The following KPNA7 variants were observed in gnomAD, a reference collection of about 807,000 sequenced individuals.
KPNA7 encodes the protein karyopherin subunit alpha 7, also known as importin subunit alpha-8.
In KPNA7, 54 loss-of-function variants were observed where a neutral mutation model predicts 53.7. The observed-to-expected ratio is 1.01, with a 90% CI of 0.81 to 1.26. The LOEUF is 1.26. Among genes scored for constraint, KPNA7 ranks in the 50% most tolerant of loss-of-function variants. The pLI is 0.00. For synonymous variants in KPNA7, 276 were observed against 259.3 expected, an observed-to-expected ratio of 1.06 and a Z score of -0.62; for missense variants, 640 against 644.5, an observed-to-expected ratio of 0.99 and a Z score of 0.07.
intron 3 of KPNA7, among the ~76,000 whole-genome samples, chr7:99,201,249 G>A (rs1382647903): frequency 6.6e-6 from 1 of 152,140 alleles, no homozygotes; most frequent in Non-Finnish European, 1.5e-5. Context: ...TTGAGGTGAT[G>A]AATAGGTTCT....
chr7:99,211,820 A>T (rs1791078755), upstream of KPNA7, among the ~76,000 whole-genome samples: 1 of 152,124 alleles, frequency 6.6e-6, no homozygotes. Flanking sequence ...TAGCCTATAT[A>T]CCTTGTCTGC....
downstream of KPNA7, among the ~76,000 whole-genome samples, chr7:99,172,367 A>G (rs1274132480): frequency 6.6e-6 from 1 of 152,182 alleles, no homozygotes; most frequent in African/African-American, 2.4e-5. Flanking sequence ...TGTACATTGT[A>G]TCAAAGTTCA....
Position 99,204,534 on chromosome 7 carries a change from C to T in KPNA7, c.67-1294G>A, listed in dbSNP as rs183726370. On this transcript the variant is annotated intron_variant, in intron 2 of 10. Transcript: ENST00000327442. ...TCAGGAACAATTATAAAGAAGTCAC[C>T]ATGTATTAGATACTTTTGGTTCTTT... Among the ~76,000 whole-genome samples the T allele has an allele frequency of 2.9e-3, 434 of 152,180 alleles. 1 individual carries two copies. The highest frequency in any genetic ancestry group is 9.6e-3 in the African/African-American group (397 of 41,518).
In KPNA7 at chr7:99,195,181, G is replaced by A. The variant is rs1790161740; in HGVS notation, c.442C>T (p.Gln148Ter). 3 of 1,551,638 alleles carry A rather than the reference G, an allele frequency of 1.9e-6. No individual in the cohort carries two copies. The highest frequency in any genetic ancestry group is 2.6e-6 in the Non-Finnish European group (3 of 1,147,000). Residue 148 changes from glutamine (Q) to a stop codon, truncating the protein, a stop_gained, in exon 5 of 11, where the codon CAG (glutamine) becomes TAG (stop). Coordinates refer to ENST00000327442, the MANE Select transcript of KPNA7 (RefSeq NM_001145715.3). LOFTEE classifies it high-confidence loss of function. ...CCCCCTTCTACCACGGCACGAGTCT[G>A]CTCCGAAGTCCCTGAAGCGATGTTG... ...LTNIASGTSE[Q>*]TRAVVEGGAI...
chr7:99,164,567 G>C, the KPNA7 span, among the ~76,000 whole-genome samples: 1 of 151,892 alleles, frequency 6.6e-6, no homozygotes, highest in Non-Finnish European at 1.5e-5. Flanking sequence ...AGCACACCAT[G>C]GCACATGTAT....
the KPNA7 span, among the ~76,000 whole-genome samples, chr7:99,147,796 A>C: frequency 2.4e-5 from 1 of 41,548 alleles, no homozygotes; most frequent in South Asian, 1.3e-3. Flanking sequence ...TATCTCAAAA[A>C]AAAAAATTTT....
chr7:99,147,271 T>C, the KPNA7 span, among the ~76,000 whole-genome samples: 1 of 152,144 alleles, frequency 6.6e-6, no homozygotes, highest in African/African-American at 2.4e-5. Context: ...AGAACAATTC[T>C]ACATAAGAAG....
the KPNA7 span, among the ~76,000 whole-genome samples, chr7:99,146,511 C>A: frequency 2.6e-5 from 4 of 151,860 alleles, no homozygotes; most frequent in Non-Finnish European, 5.9e-5. Flanking sequence ...AGCAGGAGTT[C>A]GAGACCAGCC....
chr7:99,163,113 G>A, the KPNA7 span, among the ~76,000 whole-genome samples: 4 of 151,706 alleles, frequency 2.6e-5, no homozygotes, highest in African/African-American at 9.7e-5. Flanking sequence ...CCTGGGAGGC[G>A]GAGGTTGCAG....
intron 2 of KPNA7, among the ~76,000 whole-genome samples, chr7:99,207,081 C>T (rs1584318355): frequency 6.6e-6 from 1 of 151,898 alleles, no homozygotes; most frequent in East Asian, 1.9e-4. Flanking sequence ...GTCGCCCAGG[C>T]TGGAGTGCAG....
At chr7:99,210,551 T>G (rs1214493384), upstream of KPNA7, among the ~76,000 whole-genome samples, 2 of 152,064 alleles carry the variant, frequency 1.3e-5, no homozygotes, top group East Asian at 3.9e-4. Context: ...CAGGCCAAGT[T>G]TGAACTTTTT....
the KPNA7 span, among the ~76,000 whole-genome samples, chr7:99,161,756 C>G: frequency 2.0e-5 from 3 of 152,062 alleles, no homozygotes; most frequent in Non-Finnish European, 4.4e-5. Context: ...GACACTTGAA[C>G]CCCTTCTTTT....
At chr7:99,181,754 A>G in intron 9 of KPNA7, 129 bp downstream of exon 9, 1 of 777,554 alleles carries the variant, frequency 1.3e-6, no homozygotes, top group Non-Finnish European at 1.9e-6. Flanking sequence ...CTGGCCTCAA[A>G]TTCCTGACCT....
At chr7:99,154,544 T>C in the KPNA7 span, among the ~76,000 whole-genome samples, 3 of 151,100 alleles carry the variant, frequency 2.0e-5, no homozygotes, top group South Asian at 4.2e-4. Context: ...TTTTTTTTTT[T>C]CTCAAGACGG....
Position 99,178,022 on chromosome 7 carries a change from T to C in KPNA7, c.1362A>G (p.Ile454Met). 6.4e-7 allele frequency: 1 copy of C among 1,551,742 alleles called. No individual in the cohort carries two copies. Among genetic ancestry groups the C allele is most frequent in the Non-Finnish European group, 8.7e-7 (1 of 1,146,998 alleles). ...RSEKENLCLL[I>M]EELGGIDRIE... ...TTCTATCGATCCCACCAAGTTCTTC[T>C]ATCAGAAGACACAGGTTTTCCTTCT... The change falls in exon 10 of 11, where the codon ATA becomes ATG. Residue 454 changes from isoleucine (I) to methionine (M), a missense_variant. Ile to Met is a conservative substitution (Grantham distance 10). Coordinates refer to ENST00000327442, the MANE Select transcript of KPNA7 (RefSeq NM_001145715.3).
the KPNA7 span, among the ~76,000 whole-genome samples, chr7:99,150,732 A>C: frequency 6.6e-6 from 1 of 152,144 alleles, no homozygotes; most frequent in Non-Finnish European, 1.5e-5. Flanking sequence ...TCTTGTACTC[A>C]TCAAGAAGAA....
At chr7:99,192,984 T>TAA (rs66966638) in intron 6 of KPNA7, 35 bp downstream of exon 6, 397 of 1,125,692 alleles carry the variant, frequency 3.5e-4, no homozygotes, top group African/African-American at 8.8e-4. Flanking sequence ...AATTTTAATT[T>TAA]AAAAAAAAAA....
chr7:99,159,075 G>T, the KPNA7 span, among the ~76,000 whole-genome samples: 2 of 152,032 alleles, frequency 1.3e-5, no homozygotes, highest in Admixed American at 6.6e-5. Flanking sequence ...ATGTTGGTCA[G>T]GCTGGTCTTG....
intron 9 of KPNA7, among the ~76,000 whole-genome samples, chr7:99,180,687 G>A (rs1208291249): frequency 1.1e-5 from 1 of 90,654 alleles, no homozygotes; most frequent in Non-Finnish European, 2.3e-5. Flanking sequence ...CTCTCTCCCC[G>A]TCTGTGTCTC....
Sources: allele counts gnomAD v4.1 joint callset (sites outside exome capture counted in the v4.1 genomes callset), GRCh38; gene constraint gnomAD v4.1.1; transcripts MANE v1.5; gene names NCBI Gene and HGNC (gene_info 2026-07-23, HGNC 2026-07-21).